MALRD1: variants seen among roughly 807,000 people sequenced by gnomAD.
The protein encoded by MALRD1 is MAM and LDL-receptor class A domain-containing protein 1.
In MALRD1, 247 loss-of-function variants were observed where a neutral mutation model predicts 242.1. That is an observed-to-expected ratio of 1.02 (90% CI 0.92 to 1.13). The LOEUF (loss-of-function observed/expected upper bound fraction) is 1.13, where lower values mean the gene tolerates loss of function less well. Ranked by LOEUF, MALRD1 falls within the 50% of genes most tolerant of loss-of-function variation. The pLI, the probability that MALRD1 is intolerant of heterozygous loss-of-function variation, is 0.00. For synonymous variants in MALRD1, 995 were observed against 866.6 expected (o/e 1.15, Z -2.60); for missense variants, 2,989 against 2,533.1 (o/e 1.18, Z -3.86).
Position 19,088,123 on chromosome 10 carries a change from G to A in MALRD1, c.535G>A (p.Ala179Thr), listed in dbSNP as rs1314554550. 8.1e-7 allele frequency: 1 copy of A among 1,233,386 alleles called. No homozygotes were observed. Among genetic ancestry groups the A allele is most frequent in the Non-Finnish European group, 1.0e-6 (1 of 987,884 alleles). 76.4% of individuals were successfully genotyped at this position (1,233,386 alleles called of 1,614,324 possible). A position where few individuals can be genotyped will look rare whatever the true frequency, so the allele number is the denominator to read the frequency against. Residue 179 changes from alanine to threonine, a missense_variant, in exon 4 of 40, where the codon GCT (alanine) becomes ACT (threonine). Physicochemically the swap from Ala to Thr is moderately conservative, Grantham distance 58. Transcript: ENST00000454679. ...TATTCAGCATTTATGGCAAAACACA[G>A]CTGCACTCCCAAATCAGTGGGAGAG... ...GPIQHLWQNT[A>T]ALPNQWERNV...
At chr10:19,613,957 C>G (rs1393880428) in intron 35 of MALRD1, among the ~76,000 whole-genome samples, 1 of 152,020 alleles carries the variant, frequency 6.6e-6, no homozygotes, top group East Asian at 1.9e-4. Context: ...CCGAAGTGCT[C>G]TTCTTGGTGT....
Position 19,559,446 on chromosome 10 carries a change from T to A in MALRD1, c.5479-8056T>A, listed in dbSNP as rs143967967. ...TTCCTCTAAGCACTGCTTCACTTCA[T>A]CCCATATACTTTGATTAAGCATATT... On this transcript the variant is annotated intron_variant, in intron 32 of 39. Transcript: ENST00000454679. 3.7e-3 allele frequency among the ~76,000 whole-genome samples: 561 copies of A among 152,232 alleles called. 4 individuals are homozygous for A. The highest frequency in any genetic ancestry group is 0.013 in the African/African-American group (536 of 41,548).
intron 18 of MALRD1, among the ~76,000 whole-genome samples, chr10:19,211,492 A>G (rs185988022): frequency 6.6e-6 from 1 of 151,976 alleles, no homozygotes; most frequent in East Asian, 1.9e-4. Flanking sequence ...CAGGAGATCA[A>G]GACCAGCCTG....
intron 34 of MALRD1, among the ~76,000 whole-genome samples, chr10:19,598,769 T>C (rs1838224235): frequency 6.6e-6 from 1 of 150,398 alleles, no homozygotes; most frequent in Non-Finnish European, 1.5e-5. Flanking sequence ...AGAGAGAGGA[T>C]AGAGATAAAG....
intron 5 of MALRD1, among the ~76,000 whole-genome samples, chr10:19,114,691 C>T (rs1412699989): frequency 6.6e-6 from 1 of 152,170 alleles, no homozygotes; most frequent in Admixed American, 6.5e-5. Context: ...TGCACCTGCC[C>T]TACACACCTC....
chr10:19,111,240 C>T (rs994034785), intron 5 of MALRD1, among the ~76,000 whole-genome samples: 3 of 152,034 alleles, frequency 2.0e-5, no homozygotes, highest in African/African-American at 4.8e-5. Context: ...AATCATAGTA[C>T]AAGTGAGATT....
At chr10:19,204,508 TTTACTGCTGGTTTTACTCTAAAA>T (rs1836703122) in intron 16 of MALRD1, 95 bp downstream of exon 16, 11 of 787,894 alleles carry the variant, frequency 1.4e-5, no homozygotes, top group Non-Finnish European at 2.2e-5. Context: ...ATTTCTGTGG[TTTACTGCTGGTTTTACTCTAAAA>T]ATAGTATTGC....
At chr10:19,148,530 T>C (rs1483164919) in intron 11 of MALRD1, among the ~76,000 whole-genome samples, 1 of 151,912 alleles carries the variant, frequency 6.6e-6, no homozygotes, top group Admixed American at 6.6e-5. Context: ...GATAAGACAA[T>C]TAGAAAATAT....
At chr10:19,375,212 A>G (rs921726470) in intron 26 of MALRD1, among the ~76,000 whole-genome samples, 3 of 152,212 alleles carry the variant, frequency 2.0e-5, no homozygotes, top group East Asian at 1.9e-4. Flanking sequence ...TATACTTTCA[A>G]TATTCCCCAA....
chr10:19,346,686 C>G (rs1186472847), intron 24 of MALRD1, among the ~76,000 whole-genome samples: 1 of 152,126 alleles, frequency 6.6e-6, no homozygotes, highest in Admixed American at 6.6e-5. Flanking sequence ...GAGTCTCGCT[C>G]TATCACCCAG....
intron 26 of MALRD1, among the ~76,000 whole-genome samples, chr10:19,355,085 G>A (rs1844563223): frequency 6.6e-6 from 1 of 152,044 alleles, no homozygotes; most frequent in Admixed American, 6.6e-5. Context: ...AGGGGCAGTG[G>A]AATTTGAGCC....
At chr10:19,402,677 C>G (rs915123062) in intron 28 of MALRD1, among the ~76,000 whole-genome samples, 1 of 152,216 alleles carries the variant, frequency 6.6e-6, no homozygotes, top group African/African-American at 2.4e-5. Flanking sequence ...CCCTTAAAAT[C>G]TTTCTTAATA....
rs1244778700 is a variant in MALRD1 at position 19,183,378 on chromosome 10, A to G, written c.1951+8050A>G. 2.6e-5 allele frequency among the ~76,000 whole-genome samples: 4 copies of G among 152,116 alleles called. No individual in the cohort carries two copies. In the East Asian group the frequency reaches 5.8e-4, roughly 22 times the overall value. On this transcript the variant is annotated intron_variant, in intron 14 of 39. Transcript: ENST00000454679. ...CGATTCTAATGTTGAACAAATGAGC[A>G]TATCACTTCTCTTACAGAGACCTTA...
intron 10 of MALRD1, among the ~76,000 whole-genome samples, chr10:19,144,504 G>C (rs1379799705): frequency 2.0e-5 from 3 of 152,342 alleles, no homozygotes; most frequent in East Asian, 3.9e-4. Context: ...AAAATATGTG[G>C]TCATAAAATC....
chr10:19,170,845 A>G (rs1834890513), intron 13 of MALRD1, among the ~76,000 whole-genome samples: 1 of 152,130 alleles, frequency 6.6e-6, no homozygotes. Flanking sequence ...CATCATCTTC[A>G]CAGGATTAAA....
intron 26 of MALRD1, among the ~76,000 whole-genome samples, chr10:19,357,528 A>C (rs1379916198): frequency 6.6e-6 from 1 of 152,186 alleles, no homozygotes; most frequent in Admixed American, 6.5e-5. Context: ...TTTCTTGCAC[A>C]TATCACAAGC....
intron 26 of MALRD1, among the ~76,000 whole-genome samples, chr10:19,387,298 CTT>C (rs36070001): frequency 3.2e-3 from 458 of 143,220 alleles, no homozygotes; most frequent in East Asian, 4.3e-3. Flanking sequence ...TAAAGTGATG[CTT>C]TTTTTTTTTT....
chr10:19,382,467 T>C (rs971640722), intron 26 of MALRD1, among the ~76,000 whole-genome samples: 1 of 152,192 alleles, frequency 6.6e-6, no homozygotes, highest in African/African-American at 2.4e-5. Flanking sequence ...ATTCTTTGCT[T>C]ATCTGCTATT....
intron 26 of MALRD1, among the ~76,000 whole-genome samples, chr10:19,356,223 A>T (rs11009596): frequency 0.79 from 119,253 of 151,784 alleles, 47,403 homozygotes; most frequent in African/African-American, 0.9. Flanking sequence ...TCTTTCTTGG[A>T]GAGGTATATC....
Sources: allele counts gnomAD v4.1 joint callset (sites outside exome capture counted in the v4.1 genomes callset), GRCh38; gene constraint gnomAD v4.1.1; transcripts MANE v1.5; gene names NCBI Gene and HGNC (gene_info 2026-07-23, HGNC 2026-07-21).